COL19A1: variants seen among roughly 807,000 people sequenced by gnomAD.
COL19A1 encodes collagen alpha-1(XIX) chain.
A neutral mutation model predicts 190.2 loss-of-function variants in COL19A1; 159 were observed. The ratio of observed to expected loss-of-function variants is 0.84; its 90% confidence interval spans 0.73 to 0.95. COL19A1 has a LOEUF of 0.95. Ranked by LOEUF, COL19A1 falls within the 40% of genes least tolerant of loss-of-function variation. The pLI, the probability that COL19A1 is intolerant of heterozygous loss-of-function variation, is 0.00. For missense variants in COL19A1, 1,418 were observed against 1,431.9 expected (o/e 0.99, Z 0.16); for synonymous variants, 509 against 458.9 (o/e 1.11, Z -1.39).
chr6:70,128,273 A>G (rs1439050090), intron 17 of COL19A1, among the ~76,000 whole-genome samples: 1 of 152,248 alleles, frequency 6.6e-6, no homozygotes, highest in Admixed American at 6.5e-5. Context: ...GAAGGGAAGT[A>G]TATGCTGGGT....
At chr6:70,199,967 T>C in intron 49 of COL19A1, 1 of 415,708 alleles carries the variant, frequency 2.4e-6, no homozygotes, top group Non-Finnish European at 4.5e-6. Context: ...AAATGAGAGT[T>C]ACCTGGTATT....
intron 11 of COL19A1, among the ~76,000 whole-genome samples, chr6:69,986,847 T>G (rs966809661): frequency 1.3e-5 from 2 of 152,180 alleles, no homozygotes; most frequent in African/African-American, 4.8e-5. Context: ...AATAAGATAT[T>G]TGAGTGCAAT....
chr6:70,055,798 A>AT lies in COL19A1; in HGVS notation c.1171-12625_1171-12624insT, dbSNP rs1582795271. Among the ~76,000 whole-genome samples the AT allele has an allele frequency of 6.4e-5, 9 of 141,210 alleles. No homozygotes were observed. In the East Asian group the frequency reaches 1.4e-3, roughly 21 times the overall value. 92.6% of individuals were successfully genotyped at this position (141,210 alleles called of 152,430 possible). On this transcript the variant is annotated intron_variant, in intron 14 of 50. Coordinates refer to ENST00000620364, the MANE Select transcript of COL19A1 (RefSeq NM_001858.6). ...CTCTGTATTAAAAAAAAAAAAAAAA[A>AT]AAAAAAATTCACATTTTAATGACTG...
At chr6:69,944,616 G>A (rs1293929260) in intron 9 of COL19A1, among the ~76,000 whole-genome samples, 1 of 152,074 alleles carries the variant, frequency 6.6e-6, no homozygotes, top group Admixed American at 6.6e-5. Flanking sequence ...TCTAGGTAAT[G>A]AAGCATCAAA....
At chr6:69,912,437 A>G (rs1414790534) in intron 4 of COL19A1, among the ~76,000 whole-genome samples, 1 of 152,176 alleles carries the variant, frequency 6.6e-6, no homozygotes, top group African/African-American at 2.4e-5. Flanking sequence ...AGTGATGCAC[A>G]TGTGTTCATG....
chr6:70,053,211 A>G (rs1780306200), intron 14 of COL19A1, among the ~76,000 whole-genome samples: 1 of 152,208 alleles, frequency 6.6e-6, no homozygotes, highest in Non-Finnish European at 1.5e-5. Context: ...TGCACTCTAT[A>G]TCTGAGAATA....
At chr6:70,098,961 G>A (rs1783454849) in intron 15 of COL19A1, among the ~76,000 whole-genome samples, 1 of 146,232 alleles carries the variant, frequency 6.8e-6, no homozygotes, top group South Asian at 2.2e-4. Context: ...GCTCACACCT[G>A]TAATCCCAAC....
chr6:69,977,654 G>A (rs2150061786), intron 11 of COL19A1, among the ~76,000 whole-genome samples: 1 of 151,862 alleles, frequency 6.6e-6, no homozygotes, highest in Middle Eastern at 3.4e-3. Context: ...GCATTTCCCA[G>A]GAATTTCTGA....
intron 15 of COL19A1, among the ~76,000 whole-genome samples, chr6:70,086,279 CT>C (rs1782587908): frequency 6.6e-6 from 1 of 152,058 alleles, no homozygotes; most frequent in Non-Finnish European, 1.5e-5. Flanking sequence ...CCCCACCCCC[CT>C]GACACACACA....
intron 34 of COL19A1, among the ~76,000 whole-genome samples, chr6:70,159,185 T>A (rs1429372453): frequency 6.6e-6 from 1 of 152,038 alleles, no homozygotes; most frequent in Admixed American, 6.6e-5. Flanking sequence ...GTATATTTTA[T>A]GCATGTACAT....
intron 9 of COL19A1, among the ~76,000 whole-genome samples, chr6:69,943,732 T>G (rs1773617188): frequency 6.6e-6 from 1 of 152,174 alleles, no homozygotes; most frequent in African/African-American, 2.4e-5. Context: ...ATTTATGGGT[T>G]CTCTAGTGTG....
chr6:69,881,462 A>C (rs1413643781), intron 2 of COL19A1, among the ~76,000 whole-genome samples: 4 of 152,242 alleles, frequency 2.6e-5, no homozygotes, highest in Non-Finnish European at 5.9e-5. Context: ...ACACGGTACT[A>C]TACAGCAGAT....
At chr6:69,874,323 T>A (rs1768007454) in intron 1 of COL19A1, among the ~76,000 whole-genome samples, 1 of 152,236 alleles carries the variant, frequency 6.6e-6, no homozygotes, top group African/African-American at 2.4e-5. Flanking sequence ...GAACAATTTG[T>A]TTTTAAAACA....
Position 70,207,294 on chromosome 6 carries a change from G to T in COL19A1, c.*20G>T. The T allele has an allele frequency of 6.2e-7, 1 of 1,601,918 alleles. No individual in the cohort carries two copies. The highest frequency in any genetic ancestry group is 1.7e-5 in the Admixed American group (1 of 59,242). On this transcript the variant is annotated 3_prime_UTR_variant, in exon 51 of 51. Transcript: ENST00000620364. The stretch of plus-strand genomic sequence containing the variant: ...AATTGAACACACCTGAAGAAGACTT[G>T]GTTCCTGGTAACATTTCCTTGCCAC...
chr6:70,195,022 T>G (rs951835412), intron 48 of COL19A1, among the ~76,000 whole-genome samples: 1 of 150,858 alleles, frequency 6.6e-6, no homozygotes, highest in Non-Finnish European at 1.5e-5. Context: ...CCTATTTTCT[T>G]ATCCCAAAGT....
intron 18 of COL19A1, among the ~76,000 whole-genome samples, chr6:70,131,962 G>A (rs1330157565): frequency 6.6e-6 from 1 of 152,156 alleles, no homozygotes; most frequent in Admixed American, 6.5e-5. Flanking sequence ...GGAAAAGCCA[G>A]TGGCATAACT....
chr6:69,987,541 AAAC>A (rs2150071180), intron 11 of COL19A1, among the ~76,000 whole-genome samples: 1 of 152,332 alleles, frequency 6.6e-6, no homozygotes, highest in Non-Finnish European at 1.5e-5. Flanking sequence ...TTGGTTTCAC[AAAC>A]AACACTGTGT....
rs766922559 is a variant in COL19A1 at position 70,207,137 on chromosome 6, A to G, written c.3302-10A>G. The G allele has an allele frequency of 1.9e-6, 3 of 1,605,742 alleles. No individual in the cohort carries two copies. Among genetic ancestry groups the G allele is most frequent in the Admixed American group, 1.7e-5 (1 of 58,142 alleles). ...TGATCTGCATTGTAATTTTTTTTTT[A>G]TGTCGTTAGCTCTGGGTTTGCCAGG... On this transcript the variant is annotated splice_polypyrimidine_tract_variant and intron_variant, in intron 50 of 50. Transcript: ENST00000620364.
At chr6:70,081,591 G>T (rs192054754) in intron 15 of COL19A1, among the ~76,000 whole-genome samples, 179 of 152,188 alleles carry the variant, frequency 1.2e-3, no homozygotes, top group Non-Finnish European at 2.0e-3. Context: ...TTGCTAAAAA[G>T]AAATGTCAGC....
Sources: allele counts gnomAD v4.1 joint callset (sites outside exome capture counted in the v4.1 genomes callset), GRCh38; gene constraint gnomAD v4.1.1; transcripts MANE v1.5; gene names NCBI Gene and HGNC (gene_info 2026-07-23, HGNC 2026-07-21).